Variants in SNX8 observed in about 807,000 individuals in gnomAD.
SNX8 encodes sorting nexin-8.
SNX8 carries 25 observed loss-of-function variants against 51.6 expected under a neutral mutation model. The observed-to-expected ratio is 0.48, with a 90% CI of 0.35 to 0.68. The LOEUF (loss-of-function observed/expected upper bound fraction) is 0.68. Ranked by LOEUF, SNX8 falls within the 30% of genes least tolerant of loss-of-function variation. The probability of loss-of-function intolerance (pLI) is 0.00; values close to 1 mark genes in which losing one functional copy is unlikely to be tolerated. For missense variants in SNX8, 695 were observed against 624.0 expected (o/e 1.11, Z -1.21); for synonymous variants, 324 against 277.0 (o/e 1.17, Z -1.68).
intron 1 of SNX8, among the ~76,000 whole-genome samples, chr7:2,331,325 G>A (rs926032379): frequency 2.0e-5 from 3 of 151,462 alleles, no homozygotes; most frequent in Admixed American, 1.3e-4. Flanking sequence ...CATATTGTAA[G>A]ATACAACATC....
chr7:2,261,618 G>A (rs1277074803), intron 7 of SNX8, among the ~76,000 whole-genome samples: 3 of 152,126 alleles, frequency 2.0e-5, no homozygotes, highest in Non-Finnish European at 2.9e-5. Context: ...CCAGCCCCAC[G>A]TTCTCGGTCC....
intron 5 of SNX8, among the ~76,000 whole-genome samples, chr7:2,268,201 C>G (rs531251973): frequency 7.0e-6 from 1 of 142,082 alleles, no homozygotes; most frequent in Non-Finnish European, 1.5e-5. Flanking sequence ...GCCGCCCCAT[C>G]TGGGATGTGA....
In SNX8 at chr7:2,255,108, C is replaced by A. The variant is rs370009743; in HGVS notation, c.1346G>T (p.Ser449Ile). ...CGGGGAGCACGGTGGGGTCAGGGTG[C>A]TGTGTGGTCCCGCAAAGAGGCAGCT... ...KLSCLFAGPH[S>I]TLTPPCSPPE... The change falls in exon 11 of 11, where the codon AGC becomes ATC. Residue 449 changes from serine (S) to isoleucine (I), a missense_variant. By Grantham distance (142) the Ser-to-Ile change is moderately radical (BLOSUM62 -2). Coordinates refer to ENST00000222990, the MANE Select transcript of SNX8 (RefSeq NM_013321.4). 1.3e-5 allele frequency: 21 copies of A among 1,580,654 alleles called. No homozygotes were observed. Among genetic ancestry groups the A allele is most frequent in the Non-Finnish European group, 1.7e-5 (20 of 1,163,832 alleles).
At chr7:2,316,014 TTCACCCACTCAC>T (rs1291791927), upstream of SNX8, among the ~76,000 whole-genome samples, 31 of 148,276 alleles carry the variant, frequency 2.1e-4, no homozygotes, top group Non-Finnish European at 3.6e-4. Context: ...CCTGCATTCA[TTCACCCACTCAC>T]TCACCCACTC....
chr7:2,352,608 G>A (rs550020861), intron 1 of SNX8, among the ~76,000 whole-genome samples: 27 of 152,072 alleles, frequency 1.8e-4, no homozygotes, highest in South Asian at 4.1e-4. Flanking sequence ...CGAGGCAGGC[G>A]GATCACAAGG....
At chr7:2,302,683 AT>A (rs1361424768) in intron 1 of SNX8, among the ~76,000 whole-genome samples, 2 of 148,618 alleles carry the variant, frequency 1.3e-5, no homozygotes, top group African/African-American at 5.0e-5. Flanking sequence ...CCGCCACCAC[AT>A]CTAGGAAGTG....
intron 6 of SNX8, among the ~76,000 whole-genome samples, chr7:2,264,055 T>C (rs1795403398): frequency 6.6e-6 from 1 of 152,048 alleles, no homozygotes; most frequent in Non-Finnish European, 1.5e-5. Context: ...GTGAAAAAAC[T>C]ACCAGACTAG....
At chr7:2,317,247 C>T (rs1053988241), upstream of SNX8, among the ~76,000 whole-genome samples, 10 of 102,138 alleles carry the variant, frequency 9.8e-5, no homozygotes, top group Non-Finnish European at 1.7e-4. Context: ...GGATCCTGGA[C>T]CTTCTTTTTT....
chr7:2,269,539 GA>G lies in SNX8; in HGVS notation c.621+19del, dbSNP rs746486273. 839 of 1,001,422 alleles carry G rather than the reference GA, an allele frequency of 8.4e-4. No individual in the cohort carries two copies. Among genetic ancestry groups the G allele is most frequent in the African/African-American group, 2.9e-3 (156 of 54,066 alleles). The allele number at this position is 1,001,422 out of a possible 1,614,324, so 62.0% of individuals were successfully genotyped here. A position where few individuals can be genotyped will look rare whatever the true frequency, so the allele number is the denominator to read the frequency against. ...AAAATAAATTAAAAAAAAAAAAAAA[GA>G]AAAAAAAAAGAAAAATACCTTGGCC... On this transcript the variant is annotated intron_variant, in intron 5 of 10. Coordinates refer to ENST00000222990, the MANE Select transcript of SNX8 (RefSeq NM_013321.4).
intron 1 of SNX8, among the ~76,000 whole-genome samples, chr7:2,289,530 G>A (rs1023441240): frequency 6.6e-6 from 1 of 152,020 alleles, no homozygotes; most frequent in Non-Finnish European, 1.5e-5. Flanking sequence ...CGATCCATTA[G>A]TTCACTGTTC....
chr7:2,258,016 T>TC (rs1312704351), intron 7 of SNX8, among the ~76,000 whole-genome samples: 4 of 149,374 alleles, frequency 2.7e-5, no homozygotes, highest in Admixed American at 1.3e-4. Context: ...GTCTTTTTTT[T>TC]TTTTTTTTTT....
upstream of SNX8, among the ~76,000 whole-genome samples, chr7:2,315,216 T>A (rs906146775): frequency 6.7e-6 from 1 of 150,280 alleles, no homozygotes; most frequent in East Asian, 2.0e-4. Context: ...ACCCACTCAC[T>A]CACTGCATCC....
chr7:2,252,667 C>A lies in SNX8; in HGVS notation c.*2389G>T, dbSNP rs1240782462. On this transcript the variant is annotated 3_prime_UTR_variant, in exon 11 of 11. Transcript: ENST00000222990. ...CTCCTGACCCTCCCACCCCTGCCTT[C>A]CTGCCCCCCCACCTCCCTCCTGCCT... 2 of 112,448 alleles carry A rather than the reference C, an allele frequency of 1.8e-5. No homozygotes were observed. Among genetic ancestry groups the A allele is most frequent in the Non-Finnish European group, 3.6e-5 (2 of 56,140 alleles). 7.0% of individuals were successfully genotyped at this position (112,448 alleles called of 1,614,324 possible). A position where few individuals can be genotyped will look rare whatever the true frequency, so the allele number is the denominator to read the frequency against.
intron 1 of SNX8, among the ~76,000 whole-genome samples, chr7:2,281,260 AC>A (rs1261904636): frequency 6.6e-6 from 1 of 152,084 alleles, no homozygotes; most frequent in African/African-American, 2.4e-5. Context: ...TGCCATCTCT[AC>A]AAAAAATAAA....
chr7:2,341,596 C>T (rs1348690782), intron 1 of SNX8, among the ~76,000 whole-genome samples: 4 of 152,066 alleles, frequency 2.6e-5, no homozygotes, highest in African/African-American at 9.7e-5. Flanking sequence ...TGCTGGAGCC[C>T]AGGAGTTAGA....
At chr7:2,315,812 A>C (rs1796745053), upstream of SNX8, among the ~76,000 whole-genome samples, 1 of 147,170 alleles carries the variant, frequency 6.8e-6, no homozygotes, top group Admixed American at 6.7e-5. Flanking sequence ...TCATTCACCC[A>C]CTCACTCACT....
intron 1 of SNX8, among the ~76,000 whole-genome samples, chr7:2,308,665 C>CAAAAAAA: frequency 1.6e-5 from 1 of 63,114 alleles, no homozygotes; most frequent in Non-Finnish European, 3.0e-5. Flanking sequence ...GACTCTGTCT[C>CAAAAAAA]AAAAAAAAAA....
intron 5 of SNX8, among the ~76,000 whole-genome samples, chr7:2,268,494 G>A (rs1212839187): frequency 1.4e-5 from 2 of 146,404 alleles, no homozygotes; most frequent in East Asian, 4.2e-4. Flanking sequence ...CATCCGGGAG[G>A]GAGGTGGGGG....
chr7:2,349,210 A>C (rs1779093021), intron 1 of SNX8, among the ~76,000 whole-genome samples: 1 of 139,106 alleles, frequency 7.2e-6, no homozygotes, highest in Non-Finnish European at 1.6e-5. Context: ...TCTCAAAAAC[A>C]AAAAAAAAAA....
Sources: allele counts gnomAD v4.1 joint callset (sites outside exome capture counted in the v4.1 genomes callset), GRCh38; gene constraint gnomAD v4.1.1; transcripts MANE v1.5; gene names NCBI Gene and HGNC (gene_info 2026-07-23, HGNC 2026-07-21).